Variants in MAP2K6 observed in about 807,000 individuals in gnomAD.
MAP2K6 encodes mitogen-activated protein kinase kinase 6.
Under a neutral mutation model 53.7 loss-of-function variants are expected in MAP2K6, and 16 were observed. The ratio of observed to expected loss-of-function variants is 0.30; its 90% CI spans 0.20 to 0.45. The LOEUF is 0.45. MAP2K6 is among the 20% of genes least tolerant of loss of function. MAP2K6 has a pLI of 1.00. For synonymous variants in MAP2K6, 132 were observed against 143.1 expected, an observed-to-expected ratio of 0.92 and a Z score of 0.55; for missense variants, 204 against 411.9, an observed-to-expected ratio of 0.50 and a Z score of 4.37.
At position 69,545,797 on chromosome 17, in the gene MAP2K6, G is replaced by C. The variant is rs1278357315; in HGVS notation, c.*4044G>C. The C allele has an allele frequency of 6.6e-6, 1 of 152,100 alleles. No homozygotes were observed. The highest frequency in any genetic ancestry group is 1.5e-5 in the Non-Finnish European group (1 of 68,062). The allele number at this position is 152,100 out of a possible 1,614,324, so 9.4% of individuals were successfully genotyped here. On this transcript the variant is annotated 3_prime_UTR_variant, in exon 12 of 12. Transcript: ENST00000590474. ...GCACTTTGGGAGGCTGAGGCAGGTGGATCACCTCAGGTCAGGAATTTGAGA... is the reference window on the plus strand; with the variant it reads ...GCACTTTGGGAGGCTGAGGCAGGTGCATCACCTCAGGTCAGGAATTTGAGA...
At chr17:69,462,844 C>T (rs535972617) in intron 1 of MAP2K6, among the ~76,000 whole-genome samples, 52 of 152,122 alleles carry the variant, frequency 3.4e-4, no homozygotes, top group African/African-American at 1.2e-3. Context: ...CCTGTAATCC[C>T]AGCACTTTGG....
At chr17:69,458,271 T>C (rs1025822836) in intron 1 of MAP2K6, among the ~76,000 whole-genome samples, 2 of 152,208 alleles carry the variant, frequency 1.3e-5, no homozygotes, top group African/African-American at 4.8e-5. Context: ...CAGGCTGGTC[T>C]CAAACTCCTG....
chr17:69,524,820 C>A, intron 8 of MAP2K6, 81 bp from the exon 9 acceptor site: 2 of 1,040,448 alleles, frequency 1.9e-6, no homozygotes, highest in Admixed American at 1.8e-5. Flanking sequence ...GCTGGTGCTA[C>A]CCCCATCCCC....
chr17:69,536,278 G>C, intron 11 of MAP2K6, 118 bp downstream of exon 11: 1 of 745,998 alleles, frequency 1.3e-6, no homozygotes, highest in South Asian at 1.6e-5. Context: ...TGATACATCA[G>C]TGACAGGAAT....
intron 1 of MAP2K6, among the ~76,000 whole-genome samples, chr17:69,504,066 C>A (rs1909322926): frequency 6.6e-6 from 1 of 152,126 alleles, no homozygotes. Context: ...GACCTGGATT[C>A]TGATTCTGAC....
At chr17:69,495,269 G>T (rs1049422372) in intron 1 of MAP2K6, among the ~76,000 whole-genome samples, 1 of 149,924 alleles carries the variant, frequency 6.7e-6, no homozygotes, top group South Asian at 2.1e-4. Context: ...CTGGAGTCTC[G>T]CTCTTGTCGC....
At chr17:69,415,550 A>C (rs1034902821) in intron 1 of MAP2K6, among the ~76,000 whole-genome samples, 3 of 152,220 alleles carry the variant, frequency 2.0e-5, no homozygotes, top group Non-Finnish European at 4.4e-5. Context: ...AAGGAAGTAA[A>C]GGTGAAGGGT....
intron 11 of MAP2K6, among the ~76,000 whole-genome samples, chr17:69,541,287 A>G (rs979411997): frequency 3.3e-5 from 5 of 152,112 alleles, no homozygotes; most frequent in Admixed American, 1.3e-4. Context: ...ACATACACCT[A>G]TGAATTGTCT....
In MAP2K6 at chr17:69,425,338, C is replaced by T. The variant is rs1367079381; in HGVS notation, c.16+10338C>T. Among the ~76,000 whole-genome samples, 4 of 151,168 alleles carry T rather than the reference C, an allele frequency of 2.6e-5. No homozygotes were observed. In the East Asian group the frequency reaches 7.8e-4, roughly 29 times the overall value. ...TTTTTTTTGTTTTTTTCTGAGATGGCGTATAGCTCTGTCACCCAGGCTGGA... is the reference window on the plus strand; with the variant it reads ...TTTTTTTTGTTTTTTTCTGAGATGGTGTATAGCTCTGTCACCCAGGCTGGA... On this transcript the variant is annotated intron_variant, in intron 1 of 11. Coordinates refer to ENST00000590474, the MANE Select transcript of MAP2K6 (RefSeq NM_002758.4).
chr17:69,539,936 G>A (rs1354575555), intron 11 of MAP2K6, among the ~76,000 whole-genome samples: 1 of 152,184 alleles, frequency 6.6e-6, no homozygotes, highest in African/African-American at 2.4e-5. Context: ...TCAGGAGGAA[G>A]GACCTGGCAC....
At chr17:69,469,143 G>A (rs982362515) in intron 1 of MAP2K6, among the ~76,000 whole-genome samples, 9 of 152,170 alleles carry the variant, frequency 5.9e-5, no homozygotes, top group African/African-American at 2.2e-4. Flanking sequence ...GTTGAGGACT[G>A]TCGCTAGGTT....
rs377287893 is a variant in MAP2K6, at chr17:69,494,765, G to C, written c.17-11015G>C. Among the ~76,000 whole-genome samples the C allele has an allele frequency of 4.6e-5, 7 of 152,068 alleles. No homozygotes were observed. The highest frequency in any genetic ancestry group is 1.0e-4 in the Non-Finnish European group (7 of 68,006). On this transcript the variant is annotated intron_variant, in intron 1 of 11. Coordinates refer to ENST00000590474, the MANE Select transcript of MAP2K6 (RefSeq NM_002758.4). The surrounding 1 kb of genome is among the most constrained non-coding windows in gnomAD (Gnocchi z 4.2). ...TCATGCCTGTAATCCCAGCACTTTG[G>C]GAGGCTGGGGCGGGTGGATCACCTG...
At chr17:69,431,051 C>G (rs781607298) in intron 1 of MAP2K6, among the ~76,000 whole-genome samples, 2 of 152,142 alleles carry the variant, frequency 1.3e-5, no homozygotes, top group African/African-American at 2.4e-5. Flanking sequence ...TTATTGAGTG[C>G]TTACTGTGTG....
At chr17:69,481,869 A>T (rs1908362117) in intron 1 of MAP2K6, among the ~76,000 whole-genome samples, 2 of 152,176 alleles carry the variant, frequency 1.3e-5, no homozygotes, top group Admixed American at 1.3e-4. Flanking sequence ...TGGGAATACA[A>T]TTTGGCCCAT....
At chr17:69,475,674 C>T (rs1271628809) in intron 1 of MAP2K6, among the ~76,000 whole-genome samples, 1 of 152,224 alleles carries the variant, frequency 6.6e-6, no homozygotes, top group Admixed American at 6.5e-5. Context: ...CATATCCATG[C>T]TCTGTAGCCT....
intron 1 of MAP2K6, among the ~76,000 whole-genome samples, chr17:69,485,943 C>T (rs1908517517): frequency 6.6e-6 from 1 of 152,092 alleles, no homozygotes; most frequent in Non-Finnish European, 1.5e-5. Flanking sequence ...ATGTCTTTCT[C>T]AATAGACTAC....
chr17:69,537,828 T>C (rs537016302), intron 11 of MAP2K6, among the ~76,000 whole-genome samples: 1 of 152,324 alleles, frequency 6.6e-6, no homozygotes, highest in African/African-American at 2.4e-5. Flanking sequence ...AATCCTAGCA[T>C]AGTACATGTT....
intron 9 of MAP2K6, among the ~76,000 whole-genome samples, chr17:69,525,917 A>T (rs1179325050): frequency 6.6e-6 from 1 of 152,192 alleles, no homozygotes; most frequent in African/African-American, 2.4e-5. Context: ...TAACTTATTC[A>T]TAACTTTGGT....
At chr17:69,437,279 GAA>G (rs2145144759) in intron 1 of MAP2K6, among the ~76,000 whole-genome samples, 1 of 152,218 alleles carries the variant, frequency 6.6e-6, no homozygotes, top group Non-Finnish European at 1.5e-5. Flanking sequence ...CTAGAGCAAA[GAA>G]AATGATATTA....
Sources: gnomAD v4.1 joint callset for allele counts (sites outside exome capture counted in the v4.1 genomes callset) on GRCh38, gnomAD v4.1.1 for gene constraint, Gnocchi (gnomAD v3.1) non-coding constraint, MANE v1.5 for transcripts, NCBI Gene and HGNC (gene_info 2026-07-23, HGNC 2026-07-21) for gene names.